The following DLGAP1 variants were observed in gnomAD, a reference collection of about 807,000 sequenced individuals.
DLGAP1 encodes the protein DLG associated protein 1.
In DLGAP1, 11 loss-of-function variants were observed where a neutral mutation model predicts 90.8. The observed-to-expected ratio is 0.12, with a 90% confidence interval of 0.08 to 0.20. The LOEUF (loss-of-function observed/expected upper bound fraction) is 0.20, where lower values mean the gene tolerates loss of function less well. Among genes scored for constraint, DLGAP1 ranks in the 10% least tolerant of loss-of-function variants. The probability of loss-of-function intolerance (pLI) is 1.00; values close to 1 mark genes in which losing one functional copy is unlikely to be tolerated. For missense variants in DLGAP1, 1,050 were observed against 1,333.8 expected (o/e 0.79, Z 3.31); for synonymous variants, 558 against 540.7 (o/e 1.03, Z -0.44).
chr18:3,639,879 G>A (rs369110015), intron 7 of DLGAP1, among the ~76,000 whole-genome samples: 7 of 135,952 alleles, frequency 5.1e-5, no homozygotes, highest in Non-Finnish European at 9.6e-5. Flanking sequence ...CTCAGCCTTC[G>A]GAGCAGCTGG....
chr18:4,113,299 A>C (rs1286056639), intron 2 of DLGAP1, among the ~76,000 whole-genome samples: 1 of 152,116 alleles, frequency 6.6e-6, no homozygotes, highest in African/African-American at 2.4e-5. Flanking sequence ...AGTAATAATC[A>C]TTCTGAATGG....
chr18:3,663,078 C>G lies in DLGAP1; in HGVS notation c.1591+66057G>C, dbSNP rs139496837. ...TCTGAGGTCAGGAGTTCGAGATCAG[C>G]CTGACCAACATGGTGAAACCCCGTC... On this transcript the variant is annotated intron_variant, in intron 7 of 12. Coordinates refer to ENST00000315677, the MANE Select transcript of DLGAP1 (RefSeq NM_004746.4). Among the ~76,000 whole-genome samples, 1,289 of 152,164 alleles carry G rather than the reference C, an allele frequency of 8.5e-3. 25 individuals are homozygous for G. Among genetic ancestry groups the G allele is most frequent in the African/African-American group, 0.03 (1,246 of 41,500 alleles).
intron 1 of DLGAP1, among the ~76,000 whole-genome samples, chr18:4,412,275 G>C (rs1434049318): frequency 2.0e-5 from 3 of 152,148 alleles, no homozygotes; most frequent in Non-Finnish European, 4.4e-5. Context: ...CTTATCACTA[G>C]ATTCCCCACA....
chr18:4,075,132 G>T (rs969104742), intron 2 of DLGAP1, among the ~76,000 whole-genome samples: 7 of 152,132 alleles, frequency 4.6e-5, no homozygotes, highest in Non-Finnish European at 1.0e-4. Context: ...TACTTCATGG[G>T]GGCAGCCACT....
At chr18:4,393,930 C>G in intron 1 of DLGAP1, among the ~76,000 whole-genome samples, 1 of 151,628 alleles carries the variant, frequency 6.6e-6, no homozygotes, top group East Asian at 1.9e-4. Flanking sequence ...TAACAGGAGG[C>G]GGGGCTCAGG....
intron 3 of DLGAP1, among the ~76,000 whole-genome samples, chr18:4,003,885 G>C (rs1056490828): frequency 6.6e-6 from 1 of 152,172 alleles, no homozygotes; most frequent in African/African-American, 2.4e-5. Context: ...AAGGAAGATG[G>C]TCAGGTATTT....
At chr18:4,018,101 T>C (rs1455627871) in intron 2 of DLGAP1, among the ~76,000 whole-genome samples, 3 of 152,256 alleles carry the variant, frequency 2.0e-5, no homozygotes, top group African/African-American at 7.2e-5. Flanking sequence ...TAGCAGGGAC[T>C]GTGAAGATTG....
chr18:3,826,702 G>A (rs1292463133), intron 4 of DLGAP1, among the ~76,000 whole-genome samples: 3 of 152,172 alleles, frequency 2.0e-5, no homozygotes, highest in African/African-American at 7.2e-5. Context: ...AAGGGCTGTG[G>A]CATGTACTTG....
At chr18:4,196,298 A>T (rs1256988522) in intron 1 of DLGAP1, among the ~76,000 whole-genome samples, 2 of 152,232 alleles carry the variant, frequency 1.3e-5, no homozygotes, top group Admixed American at 6.5e-5. Flanking sequence ...GTGGAAACTG[A>T]CCTTGCCTGA....
At chr18:4,283,140 G>T (rs997952653) in intron 1 of DLGAP1, among the ~76,000 whole-genome samples, 13 of 152,218 alleles carry the variant, frequency 8.5e-5, no homozygotes, top group Admixed American at 2.6e-4. Flanking sequence ...AAGAACTGAA[G>T]TAATGAATGC....
intron 6 of DLGAP1, among the ~76,000 whole-genome samples, chr18:3,734,888 A>G (rs992588470): frequency 8.5e-5 from 13 of 152,218 alleles, no homozygotes; most frequent in Non-Finnish European, 1.9e-4. Context: ...TTTGCCACAC[A>G]GAAATATTTA....
chr18:4,386,834 A>G (rs2082238883), intron 1 of DLGAP1, among the ~76,000 whole-genome samples: 1 of 152,200 alleles, frequency 6.6e-6, no homozygotes. Flanking sequence ...AATGGAGAAG[A>G]TGCTGGTTAA....
At chr18:4,326,259 A>G (rs2080814782) in intron 1 of DLGAP1, among the ~76,000 whole-genome samples, 2 of 152,126 alleles carry the variant, frequency 1.3e-5, no homozygotes. Context: ...TAACATTGTT[A>G]ATCATCACAC....
intron 1 of DLGAP1, among the ~76,000 whole-genome samples, chr18:4,346,639 C>T (rs911685585): frequency 1.3e-5 from 2 of 152,288 alleles, no homozygotes; most frequent in Non-Finnish European, 2.9e-5. Context: ...ACTTAAGACA[C>T]ATCTGTCTGA....
chr18:4,305,291 T>C (rs2080222959), intron 1 of DLGAP1, among the ~76,000 whole-genome samples: 1 of 151,850 alleles, frequency 6.6e-6, no homozygotes, highest in South Asian at 2.1e-4. Flanking sequence ...TCTCAGCACT[T>C]TGGGAGGCGG....
intron 3 of DLGAP1, among the ~76,000 whole-genome samples, chr18:3,907,317 A>T (rs1242989647): frequency 1.3e-5 from 2 of 152,230 alleles, no homozygotes; most frequent in Non-Finnish European, 2.9e-5. Context: ...CATGAACACT[A>T]AATTATTTCT....
chr18:3,642,817 G>A (rs1006811695), intron 7 of DLGAP1, among the ~76,000 whole-genome samples: 15 of 152,152 alleles, frequency 9.9e-5, no homozygotes, highest in African/African-American at 3.4e-4. Context: ...GCACACCCCA[G>A]AGCTAAGCAT....
At chr18:4,034,105 G>C (rs1390047779) in intron 2 of DLGAP1, among the ~76,000 whole-genome samples, 2 of 132,308 alleles carry the variant, frequency 1.5e-5, no homozygotes, top group Non-Finnish European at 3.1e-5. Flanking sequence ...GCAGTGGCGT[G>C]ATCTCGGCTC....
At chr18:4,403,205 C>A (rs1310943027) in intron 1 of DLGAP1, among the ~76,000 whole-genome samples, 1 of 152,070 alleles carries the variant, frequency 6.6e-6, no homozygotes, top group Non-Finnish European at 1.5e-5. Flanking sequence ...TGAGTGGTTG[C>A]TCATTAATGT....
Sources: allele counts gnomAD v4.1 joint callset (sites outside exome capture counted in the v4.1 genomes callset), GRCh38; gene constraint gnomAD v4.1.1; transcripts MANE v1.5; gene names NCBI Gene and HGNC (gene_info 2026-07-23, HGNC 2026-07-21).